HDAC9: variants seen among roughly 807,000 people sequenced by gnomAD.
HDAC9 encodes the protein histone deacetylase 9.
HDAC9 carries 41 observed loss-of-function variants against 139.4 expected under a neutral mutation model. That is an observed-to-expected ratio of 0.29 (90% CI 0.23 to 0.38). The LOEUF (loss-of-function observed/expected upper bound fraction) is 0.38. HDAC9 is among the 10% of genes least tolerant of loss of function. The probability of loss-of-function intolerance (pLI) is 1.00; values close to 1 mark genes in which losing one functional copy is unlikely to be tolerated. For missense variants in HDAC9, 1,147 were observed against 1,297.0 expected (o/e 0.88, Z 1.78); for synonymous variants, 517 against 476.2 (o/e 1.09, Z -1.12).
Position 18,921,671 on chromosome 7 carries a change from A to G in HDAC9, c.2804-14138A>G, listed in dbSNP as rs368673806. 9.3e-4 allele frequency among the ~76,000 whole-genome samples: 142 copies of G among 152,194 alleles called. 1 individual carries two copies. In the East Asian group the frequency reaches 0.011, roughly 12 times the overall value. The stretch of plus-strand genomic sequence containing the variant: ...CAATCATTGTGGAAGTCAGTGTGGC[A>G]ATTCCTTAGGGATCTAGAACTAGAA... On this transcript the variant is annotated intron_variant, in intron 22 of 25. Transcript: ENST00000686413.
At chr7:18,620,315 A>G (rs1256037205) in intron 6 of HDAC9, among the ~76,000 whole-genome samples, 1 of 152,124 alleles carries the variant, frequency 6.6e-6, no homozygotes, top group Non-Finnish European at 1.5e-5. Context: ...AATAATTAGA[A>G]TTTTATAACT....
chr7:18,167,474 T>G (rs936895555), intron 2 of HDAC9, among the ~76,000 whole-genome samples: 5 of 152,224 alleles, frequency 3.3e-5, no homozygotes, highest in South Asian at 2.1e-4. Flanking sequence ...TTTTCATTAT[T>G]GTAACACTAC....
chr7:18,586,076 T>C (rs1485572791), intron 3 of HDAC9, among the ~76,000 whole-genome samples: 3 of 152,168 alleles, frequency 2.0e-5, no homozygotes, highest in Non-Finnish European at 2.9e-5. Flanking sequence ...ATGGAGAAAC[T>C]GGTGCAAATG....
At chr7:18,978,648 A>G (rs1784703391) in intron 25 of HDAC9, among the ~76,000 whole-genome samples, 1 of 152,226 alleles carries the variant, frequency 6.6e-6, no homozygotes, top group Admixed American at 6.5e-5. Context: ...AAAATTAAAT[A>G]TATACGTCTG....
chr7:18,665,745 A>G (rs1794667883), intron 11 of HDAC9, among the ~76,000 whole-genome samples: 1 of 152,040 alleles, frequency 6.6e-6, no homozygotes, highest in African/African-American at 2.4e-5. Context: ...AAAATTAGAC[A>G]AAGACTATTA....
At chr7:18,634,801 A>G in intron 8 of HDAC9, 59 bp downstream of exon 8, 1 of 1,023,926 alleles carries the variant, frequency 9.8e-7, no homozygotes, top group Admixed American at 2.0e-5. Flanking sequence ...GCTACCTAAT[A>G]CAAAGTGATA....
intron 1 of HDAC9, chr7:18,162,185 G>C (rs1787672361): frequency 1.4e-6 from 1 of 706,870 alleles, no homozygotes; most frequent in Admixed American, 2.5e-5. Context: ...AGTGTGACTT[G>C]ATATAGCTTG....
At chr7:18,107,921 C>T (rs576499394) in intron 1 of HDAC9, among the ~76,000 whole-genome samples, 7 of 152,162 alleles carry the variant, frequency 4.6e-5, no homozygotes, top group Admixed American at 1.3e-4. Context: ...ATTCTTGTTT[C>T]GACCCTATAT....
At chr7:18,978,236 G>T (rs1784675086) in intron 25 of HDAC9, among the ~76,000 whole-genome samples, 1 of 152,104 alleles carries the variant, frequency 6.6e-6, no homozygotes, top group African/African-American at 2.4e-5. Context: ...GAACATATTG[G>T]TGTTTGGAGT....
intron 8 of HDAC9, among the ~76,000 whole-genome samples, chr7:18,638,583 C>T (rs1237735098): frequency 6.6e-6 from 1 of 152,050 alleles, no homozygotes; most frequent in African/African-American, 2.4e-5. Context: ...CCTACACTAG[C>T]AGCTTTGTTT....
chr7:18,220,966 A>G (rs1048847479), intron 2 of HDAC9, among the ~76,000 whole-genome samples: 1 of 152,188 alleles, frequency 6.6e-6, no homozygotes, highest in Non-Finnish European at 1.5e-5. Context: ...AAAATGTGAC[A>G]TAGCTGTTGC....
At chr7:18,580,791 T>C (rs1563361407) in intron 2 of HDAC9, among the ~76,000 whole-genome samples, 1 of 152,170 alleles carries the variant, frequency 6.6e-6, no homozygotes, top group East Asian at 1.9e-4. Context: ...GTAAGTTGAT[T>C]TCTAATTATG....
chr7:18,889,487 T>C (rs1800484039), intron 22 of HDAC9, among the ~76,000 whole-genome samples: 1 of 152,216 alleles, frequency 6.6e-6, no homozygotes, highest in Non-Finnish European at 1.5e-5. Flanking sequence ...TCAATCTCTT[T>C]ATTTTTTCTT....
At chr7:18,766,154 T>C (rs1298842895) in intron 15 of HDAC9, among the ~76,000 whole-genome samples, 1 of 152,300 alleles carries the variant, frequency 6.6e-6, no homozygotes, top group East Asian at 1.9e-4. Context: ...GATAGGTGAA[T>C]TGGAAATTTG....
intron 1 of HDAC9, among the ~76,000 whole-genome samples, chr7:18,482,058 A>G (rs1161012129): frequency 6.6e-6 from 1 of 152,144 alleles, no homozygotes. Context: ...CTATCGCCAC[A>G]TCATATATGC....
At chr7:18,723,880 T>C (rs1410632482) in intron 12 of HDAC9, among the ~76,000 whole-genome samples, 2 of 152,180 alleles carry the variant, frequency 1.3e-5, no homozygotes, top group African/African-American at 4.8e-5. Context: ...TTGCATTTTC[T>C]TAATGCACAG....
intron 1 of HDAC9, among the ~76,000 whole-genome samples, chr7:18,329,083 G>A (rs746699106): frequency 6.6e-6 from 1 of 151,658 alleles, no homozygotes; most frequent in Non-Finnish European, 1.5e-5. Context: ...TATCCTACTT[G>A]TTGGTATATA....
chr7:18,492,250 A>T (rs753036603), upstream of HDAC9, among the ~76,000 whole-genome samples: 1 of 151,952 alleles, frequency 6.6e-6, no homozygotes, highest in East Asian at 1.9e-4. Context: ...TCAGATTTCA[A>T]CATTCAGGAT....
intron 22 of HDAC9, among the ~76,000 whole-genome samples, chr7:18,885,349 G>A (rs190543545): frequency 2.8e-4 from 43 of 152,284 alleles, no homozygotes; most frequent in African/African-American, 7.7e-4. Context: ...GATGTTGAAC[G>A]TTTTCCATGC....
Sources: gnomAD v4.1 joint callset for allele counts (sites outside exome capture counted in the v4.1 genomes callset) on GRCh38, gnomAD v4.1.1 for gene constraint, MANE v1.5 for transcripts, NCBI Gene and HGNC (gene_info 2026-07-23, HGNC 2026-07-21) for gene names.